The following RIN2 variants were observed in gnomAD, a reference collection of about 807,000 sequenced individuals.
The protein encoded by RIN2 is RAB5 interacting protein 2.
A neutral mutation model predicts 78.0 loss-of-function variants in RIN2; 36 were observed. The ratio of observed to expected loss-of-function variants is 0.46; its 90% CI spans 0.35 to 0.61. The LOEUF is 0.61. RIN2 is among the 20% of genes least tolerant of loss of function. The pLI is 0.00. For missense variants in RIN2, 1,087 were observed against 1,159.7 expected, an observed-to-expected ratio of 0.94 and a Z score of 0.91; for synonymous variants, 466 against 466.8, an observed-to-expected ratio of 1.00 and a Z score of 0.02.
At chr20:19,966,253 A>C (rs1179084093) in intron 7 of RIN2, among the ~76,000 whole-genome samples, 2 of 151,912 alleles carry the variant, frequency 1.3e-5, no homozygotes, top group African/African-American at 4.8e-5. Context: ...TTTTAATTTA[A>C]GGATTAGGTT....
chr20:19,847,702 T>C (rs1568810945), intron 2 of RIN2, among the ~76,000 whole-genome samples: 2 of 152,204 alleles, frequency 1.3e-5, no homozygotes, highest in Non-Finnish European at 2.9e-5. Context: ...ATTGGTTACA[T>C]ATTTAAGTGG....
intron 1 of RIN2, among the ~76,000 whole-genome samples, chr20:19,765,020 T>C (rs1423070125): frequency 6.9e-6 from 1 of 145,940 alleles, no homozygotes; most frequent in African/African-American, 2.6e-5. Flanking sequence ...GCCTACCAGG[T>C]TGTACTTTTA....
At chr20:19,785,187 C>G (rs894118538) in intron 1 of RIN2, among the ~76,000 whole-genome samples, 4 of 152,050 alleles carry the variant, frequency 2.6e-5, no homozygotes, top group African/African-American at 9.7e-5. Context: ...CAGAAAGTGG[C>G]AGACAACGTG....
intron 2 of RIN2, among the ~76,000 whole-genome samples, chr20:19,801,677 C>T (rs1009497609): frequency 6.6e-6 from 1 of 152,148 alleles, no homozygotes; most frequent in South Asian, 2.1e-4. Context: ...CGGGAAGGCC[C>T]GGGATTGGTC....
intron 3 of RIN2, among the ~76,000 whole-genome samples, chr20:19,905,262 C>G (rs2039168703): frequency 6.6e-6 from 1 of 152,208 alleles, no homozygotes; most frequent in Non-Finnish European, 1.5e-5. Flanking sequence ...GGATTGCAGA[C>G]TCCTGTCATG....
chr20:19,939,698 TAC>T (rs2040785600), intron 4 of RIN2, among the ~76,000 whole-genome samples: 1 of 152,186 alleles, frequency 6.6e-6, no homozygotes, highest in Non-Finnish European at 1.5e-5. Flanking sequence ...CTGGCCTTTG[TAC>T]TTGCGGTTCC....
chr20:19,962,077 G>T (rs1348310387), intron 6 of RIN2, among the ~76,000 whole-genome samples: 2 of 151,908 alleles, frequency 1.3e-5, no homozygotes, highest in African/African-American at 4.8e-5. Flanking sequence ...AAGGCCAGAG[G>T]GTTGCTTGAG....
intron 2 of RIN2, among the ~76,000 whole-genome samples, chr20:19,804,780 C>T (rs902894806): frequency 2.0e-5 from 3 of 152,180 alleles, no homozygotes; most frequent in African/African-American, 7.2e-5. Flanking sequence ...ATGGTACCAG[C>T]TCCACTTTGT....
chr20:19,996,787 A>G lies in RIN2; in HGVS notation c.2309A>G (p.Gln770Arg), dbSNP rs1281855869. The change falls in exon 12 of 13, where the codon CAG (glutamine) becomes CGG (arginine). Residue 770 changes from glutamine to arginine, a missense_variant. By Grantham distance (43) the Gln-to-Arg change is conservative. Around this residue, in one of 8 missense-constraint regions of RIN2, gnomAD observed 160 missense variants for 179.4 expected, o/e 0.89. Transcript: ENST00000255006. ...LSSETRDTLR[Q>R]WHKRRTTNRT... is the part of the protein sequence containing the mutation. ...TCAGAAACCAGAGACACCCTGAGGC[A>G]GTGGCACAAACGGAGAACCACCAAC... The G allele has an allele frequency of 6.2e-7, 1 of 1,611,308 alleles. No homozygotes were observed. Among genetic ancestry groups the G allele is most frequent in the Admixed American group, 1.7e-5 (1 of 59,528 alleles).
chr20:19,933,069 C>G (rs1039385735), intron 3 of RIN2, among the ~76,000 whole-genome samples: 1 of 152,196 alleles, frequency 6.6e-6, no homozygotes. Flanking sequence ...ACTACCACCT[C>G]GGTCCAAGCT....
chr20:19,926,325 G>C (rs965947849), intron 3 of RIN2, among the ~76,000 whole-genome samples: 3 of 152,078 alleles, frequency 2.0e-5, no homozygotes, highest in African/African-American at 7.2e-5. Flanking sequence ...CTTGGGAGGA[G>C]TAATACACAA....
At chr20:19,850,098 ACT>A (rs1159994310) in intron 2 of RIN2, among the ~76,000 whole-genome samples, 3 of 152,218 alleles carry the variant, frequency 2.0e-5, no homozygotes, top group East Asian at 1.9e-4. Context: ...TGGCCTGGAC[ACT>A]CTGCAAAAAT....
intron 3 of RIN2, among the ~76,000 whole-genome samples, chr20:19,916,768 C>A (rs1242881088): frequency 6.6e-6 from 1 of 152,218 alleles, no homozygotes; most frequent in Non-Finnish European, 1.5e-5. Flanking sequence ...TCAGTGACCT[C>A]ATTTTATCGA....
intron 2 of RIN2, among the ~76,000 whole-genome samples, chr20:19,810,372 C>A (rs1436274249): frequency 6.6e-6 from 1 of 152,046 alleles, no homozygotes; most frequent in Non-Finnish European, 1.5e-5. Context: ...TGTGCCACTG[C>A]ACTCCACCCT....
chr20:19,873,600 G>A (rs574037884), intron 2 of RIN2, among the ~76,000 whole-genome samples: 1 of 152,254 alleles, frequency 6.6e-6, no homozygotes, highest in African/African-American at 2.4e-5. Flanking sequence ...AAAGCACATG[G>A]TAGGTGCATT....
intron 1 of RIN2, among the ~76,000 whole-genome samples, chr20:19,772,568 C>T (rs1377309533): frequency 6.6e-6 from 1 of 152,126 alleles, no homozygotes; most frequent in Non-Finnish European, 1.5e-5. Flanking sequence ...GGTTTCATGT[C>T]ACAAGAGACA....
chr20:19,844,606 CTT>C (rs2036687508), intron 2 of RIN2, among the ~76,000 whole-genome samples: 6 of 49,050 alleles, frequency 1.2e-4, no homozygotes, highest in African/African-American at 5.4e-4. Context: ...TCTTCCTCTT[CTT>C]CTTCTTCTTC....
At chr20:19,765,859 C>T (rs944222794) in intron 1 of RIN2, among the ~76,000 whole-genome samples, 12 of 152,018 alleles carry the variant, frequency 7.9e-5, no homozygotes, top group Non-Finnish European at 1.8e-4. Context: ...AAGGTGACTT[C>T]ATCCTCATGG....
Position 19,760,002 on chromosome 20 carries a change from C to T in RIN2, c.-163+1675C>T, listed in dbSNP as rs1288080441. 2.0e-5 allele frequency among the ~76,000 whole-genome samples: 3 copies of T among 152,218 alleles called. No homozygotes were observed. The East Asian group carries it at 5.8e-4, about 29-fold the overall frequency. ...GCAACAGATTGAGCAACTCTGGCTT[C>T]AGATGTAGTCACGTTCACTGAATGC... On this transcript the variant is annotated intron_variant, in intron 1 of 12. Transcript: ENST00000255006.
Sources: allele counts gnomAD v4.1 joint callset (sites outside exome capture counted in the v4.1 genomes callset), GRCh38; gene constraint gnomAD v4.1.1; regional missense constraint gnomAD v4.1.1; transcripts MANE v1.5; gene names NCBI Gene and HGNC (gene_info 2026-07-23, HGNC 2026-07-21).